Variants in KSR2 observed in about 807,000 individuals in gnomAD.
KSR2 encodes kinase suppressor of ras 2.
KSR2 carries 25 observed loss-of-function variants against 107.8 expected under a neutral mutation model. The observed-to-expected ratio is 0.23, with a 90% CI of 0.17 to 0.32. KSR2 has a LOEUF of 0.32. Ranked by LOEUF, KSR2 falls within the 10% of genes least tolerant of loss-of-function variation. KSR2 has a pLI of 1.00. For synonymous variants in KSR2, 480 were observed against 507.0 expected, an observed-to-expected ratio of 0.95 and a Z score of 0.71; for missense variants, 887 against 1,268.9, an observed-to-expected ratio of 0.70 and a Z score of 4.57.
intron 19 of KSR2, 31 bp downstream of exon 19, chr12:117,469,631 G>A: frequency 6.2e-7 from 1 of 1,607,100 alleles, no homozygotes; most frequent in African/African-American, 1.3e-5. Context: ...GGACAAGGCA[G>A]TGGGGAGAGA....
intron 4 of KSR2, among the ~76,000 whole-genome samples, chr12:117,668,667 T>A (rs1884772166): frequency 6.6e-6 from 1 of 152,128 alleles, no homozygotes; most frequent in Non-Finnish European, 1.5e-5. Flanking sequence ...AAAGAGTCCT[T>A]TGGAGAATTG....
intron 5 of KSR2, among the ~76,000 whole-genome samples, chr12:117,633,694 A>G (rs1163375182): frequency 6.6e-6 from 1 of 152,180 alleles, no homozygotes; most frequent in Non-Finnish European, 1.5e-5. Flanking sequence ...GACATCAGTC[A>G]TTGCGTTTAG....
rs1271324865 is a variant in KSR2 at position 117,780,891 on chromosome 12, G to A, written c.473-19367C>T. Among the ~76,000 whole-genome samples the A allele has an allele frequency of 2.0e-5, 3 of 152,172 alleles. No individual in the cohort carries two copies. The East Asian group carries it at 5.8e-4, about 29-fold the overall frequency. The stretch of plus-strand genomic sequence containing the variant: ...ATCTCACAATGTCATAAAGGTTGTT[G>A]CAATGTAACCCAGAGCTGAGGGTTA... On this transcript the variant is annotated intron_variant, in intron 3 of 19. Transcript: ENST00000339824.
chr12:117,773,311 G>A (rs1889573401), intron 3 of KSR2, among the ~76,000 whole-genome samples: 1 of 152,166 alleles, frequency 6.6e-6, no homozygotes, highest in African/African-American at 2.4e-5. Context: ...TTTAAGAACT[G>A]AAAGGTCTGA....
chr12:117,524,564 G>A (rs114586180), intron 14 of KSR2, among the ~76,000 whole-genome samples: 3,659 of 152,182 alleles, frequency 0.024, 158 homozygotes, highest in African/African-American at 0.083. Context: ...CTATTTGGGA[G>A]GCTGAAGCGA....
chr12:117,919,420 G>A (rs960399915), intron 1 of KSR2, among the ~76,000 whole-genome samples: 3 of 152,226 alleles, frequency 2.0e-5, no homozygotes, highest in African/African-American at 7.2e-5. Flanking sequence ...GGAATAAGTG[G>A]AGGGATCATC....
At chr12:117,608,928 G>A (rs1321524162) in intron 5 of KSR2, among the ~76,000 whole-genome samples, 1 of 152,062 alleles carries the variant, frequency 6.6e-6, no homozygotes, top group African/African-American at 2.4e-5. Flanking sequence ...CAGACTTGGG[G>A]TGCACAGGGA....
chr12:117,512,688 C>G (rs568761352), intron 14 of KSR2, among the ~76,000 whole-genome samples: 27 of 151,802 alleles, frequency 1.8e-4, no homozygotes, highest in African/African-American at 6.3e-4. Flanking sequence ...CATCTCTGAA[C>G]AGCGAGATAT....
intron 1 of KSR2, among the ~76,000 whole-genome samples, chr12:117,925,368 C>T (rs1895482959): frequency 6.6e-6 from 1 of 152,144 alleles, no homozygotes. Context: ...AAGCAGTCCG[C>T]CCACCTCAGC....
At chr12:117,830,079 C>T (rs1290720795) in intron 3 of KSR2, among the ~76,000 whole-genome samples, 4 of 152,144 alleles carry the variant, frequency 2.6e-5, no homozygotes, top group South Asian at 4.2e-4. Flanking sequence ...ACCAGCTTGG[C>T]CAACGTGGTG....
intron 3 of KSR2, among the ~76,000 whole-genome samples, chr12:117,821,221 T>C (rs910406849): frequency 3.5e-4 from 53 of 152,232 alleles, no homozygotes; most frequent in Non-Finnish European, 5.6e-4. Context: ...TTATTTTTAA[T>C]AGAACTTCCC....
intron 10 of KSR2, among the ~76,000 whole-genome samples, chr12:117,533,358 C>T (rs1875796242): frequency 6.6e-6 from 1 of 152,194 alleles, no homozygotes; most frequent in Non-Finnish European, 1.5e-5. Context: ...TGCCTTGCAC[C>T]AGTCAGTGTG....
intron 5 of KSR2, among the ~76,000 whole-genome samples, chr12:117,665,718 T>C (rs977652962): frequency 6.6e-6 from 1 of 152,256 alleles, no homozygotes; most frequent in Non-Finnish European, 1.5e-5. Flanking sequence ...TTGGCATGCA[T>C]GAGCTCATCT....
intron 3 of KSR2, among the ~76,000 whole-genome samples, chr12:117,839,699 G>A (rs1051944447): frequency 2.0e-5 from 3 of 152,144 alleles, no homozygotes; most frequent in African/African-American, 4.8e-5. Flanking sequence ...AATCCTCCCC[G>A]CAGTGGTCAG....
chr12:117,851,841 A>G (rs537059326), intron 3 of KSR2, among the ~76,000 whole-genome samples: 123 of 152,100 alleles, frequency 8.1e-4, no homozygotes, highest in African/African-American at 2.8e-3. Flanking sequence ...CAGTGAGCCG[A>G]GATCATGCCA....
chr12:117,680,565 C>A (rs1053758220), intron 4 of KSR2, among the ~76,000 whole-genome samples: 1 of 152,184 alleles, frequency 6.6e-6, no homozygotes, highest in African/African-American at 2.4e-5. Context: ...CTCTCCTCCT[C>A]TCCAAGTCTG....
At chr12:117,526,424 C>T (rs1168199946) in intron 13 of KSR2, among the ~76,000 whole-genome samples, 1 of 152,204 alleles carries the variant, frequency 6.6e-6, no homozygotes, top group South Asian at 2.1e-4. Context: ...CTGGGTACAG[C>T]TCTTCCTGAC....
intron 5 of KSR2, among the ~76,000 whole-genome samples, chr12:117,652,798 T>G (rs1177115419): frequency 6.6e-6 from 1 of 152,150 alleles, no homozygotes; most frequent in Non-Finnish European, 1.5e-5. Flanking sequence ...TAGGAGCTTA[T>G]GGAGGTCAGG....
At chr12:117,841,779 C>G (rs376167220) in intron 3 of KSR2, among the ~76,000 whole-genome samples, 18 of 152,298 alleles carry the variant, frequency 1.2e-4, no homozygotes, top group African/African-American at 3.9e-4. Flanking sequence ...GTGACCACCA[C>G]CCCCCTCCCA....
Sources: gnomAD v4.1 joint callset for allele counts (sites outside exome capture counted in the v4.1 genomes callset) on GRCh38, gnomAD v4.1.1 for gene constraint, MANE v1.5 for transcripts, NCBI Gene and HGNC (gene_info 2026-07-23, HGNC 2026-07-21) for gene names.